Variants in INSC observed in about 807,000 individuals in gnomAD.
The protein encoded by INSC is protein inscuteable homolog.
INSC carries 67 observed loss-of-function variants against 58.6 expected under a neutral mutation model. The ratio of observed to expected loss-of-function variants is 1.14; its 90% CI spans 0.94 to 1.40. The LOEUF (loss-of-function observed/expected upper bound fraction) is 1.40, where lower values mean the gene tolerates loss of function less well. Ranked by LOEUF, INSC falls within the 40% of genes most tolerant of loss-of-function variation. The pLI is 0.00. For missense variants in INSC, 714 were observed against 692.0 expected (o/e 1.03, Z -0.36); for synonymous variants, 262 against 276.1 (o/e 0.95, Z 0.51).
At chr11:15,169,887 G>C (rs1849335453) in intron 2 of INSC, among the ~76,000 whole-genome samples, 1 of 152,114 alleles carries the variant, frequency 6.6e-6, no homozygotes, top group Admixed American at 6.5e-5. Context: ...TCACAACTAA[G>C]GGACCAGCAT....
At chr11:15,170,114 T>C (rs1414090287) in intron 2 of INSC, among the ~76,000 whole-genome samples, 6 of 152,248 alleles carry the variant, frequency 3.9e-5, no homozygotes, top group African/African-American at 1.4e-4. Flanking sequence ...GTAAATACTA[T>C]GTAAATAGTT....
intron 12 of INSC, among the ~76,000 whole-genome samples, chr11:15,244,759 T>C (rs914159753): frequency 1.3e-5 from 2 of 152,180 alleles, no homozygotes; most frequent in African/African-American, 4.8e-5. Context: ...CCTCCTTCTT[T>C]GCTTCTTTTG....
chr11:15,269,490 T>G, the INSC span, among the ~76,000 whole-genome samples: 2 of 151,992 alleles, frequency 1.3e-5, no homozygotes, highest in Admixed American at 1.3e-4. Flanking sequence ...GTGGTACTTT[T>G]TTTTATCCAT....
At chr11:15,200,761 T>G in intron 6 of INSC, 63 bp from the exon 7 acceptor site, 1 of 1,604,954 alleles carries the variant, frequency 6.2e-7, no homozygotes, top group Non-Finnish European at 8.5e-7. Flanking sequence ...TGTCACTTAT[T>G]CTTGAGTTAG....
At chr11:15,244,556 G>A (rs1852487310) in intron 12 of INSC, among the ~76,000 whole-genome samples, 1 of 152,070 alleles carries the variant, frequency 6.6e-6, no homozygotes, top group Non-Finnish European at 1.5e-5. Flanking sequence ...TGTATCCTGG[G>A]GTTGCAGCAT....
At chr11:15,236,365 T>TA (rs112956879) in intron 10 of INSC, among the ~76,000 whole-genome samples, 1 of 151,898 alleles carries the variant, frequency 6.6e-6, no homozygotes, top group East Asian at 1.9e-4. Context: ...GATCCTCAAA[T>TA]AAAAAAAATC....
the INSC span, among the ~76,000 whole-genome samples, chr11:15,255,951 T>G: frequency 2.6e-5 from 4 of 152,334 alleles, no homozygotes; most frequent in Non-Finnish European, 1.5e-5. Context: ...CATTCTCTTG[T>G]AAACTCCACG....
At chr11:15,235,084 G>T (rs1018303802) in intron 9 of INSC, 20 of 180,652 alleles carry the variant, frequency 1.1e-4, no homozygotes, top group Non-Finnish European at 2.3e-4. Flanking sequence ...GCTTGATAAC[G>T]CTGCCTCTTC....
downstream of INSC, among the ~76,000 whole-genome samples, chr11:15,249,420 G>A (rs1419156228): frequency 6.6e-6 from 1 of 152,130 alleles, no homozygotes; most frequent in Non-Finnish European, 1.5e-5. Flanking sequence ...TCCCTCCTTG[G>A]AGCCTTGCTT....
chr11:15,218,862 C>T (rs1045710322), intron 7 of INSC, among the ~76,000 whole-genome samples: 4 of 152,212 alleles, frequency 2.6e-5, no homozygotes, highest in African/African-American at 7.2e-5. Context: ...CCTCCATCTA[C>T]GACGCCATTC....
At position 15,238,939 on chromosome 11, in the gene INSC, A is replaced by C; in HGVS notation, c.1258A>C (p.Met420Leu). The C allele has an allele frequency of 1.2e-6, 2 of 1,614,170 alleles. No individual in the cohort carries two copies. Among genetic ancestry groups the C allele is most frequent in the Non-Finnish European group, 1.7e-6 (2 of 1,179,990 alleles). The change falls in exon 11 of 13, where the codon ATG (methionine) becomes CTG (leucine). Residue 420 changes from methionine (M) to leucine (L), a missense_variant. Coordinates refer to ENST00000379556, the MANE Select transcript of INSC (RefSeq NM_001042536.3). Reference sequence around the variant, plus strand: ...CCTAGGGGTCCAGCTTATCATGGGCATGCTGTCTGAAAAACCAAGGTCTGG... The same window carrying C: ...CCTAGGGGTCCAGCTTATCATGGGCCTGCTGTCTGAAAAACCAAGGTCTGG... Reference protein sequence around the residue: ...QENGVQLIMGMLSEKPRSGTP... With the variant: ...QENGVQLIMGLLSEKPRSGTP...
chr11:15,242,880 G>C (rs571283244), intron 12 of INSC, among the ~76,000 whole-genome samples: 2 of 152,200 alleles, frequency 1.3e-5, no homozygotes, highest in South Asian at 4.2e-4. Flanking sequence ...TTGGAATTCA[G>C]ACATAGGCCT....
At chr11:15,230,012 TAATATATATATATATATATATATATATAA>T (rs1851855341) in intron 9 of INSC, among the ~76,000 whole-genome samples, 1 of 25,864 alleles carries the variant, frequency 3.9e-5, no homozygotes, top group Non-Finnish European at 6.5e-5. Flanking sequence ...TATATATATA[TAATATATATATATATATATATATATATAA>T]AAGCCAGGCA....
chr11:15,158,410 T>C (rs1176190621), intron 2 of INSC, among the ~76,000 whole-genome samples: 3 of 152,076 alleles, frequency 2.0e-5, no homozygotes, highest in Non-Finnish European at 4.4e-5. Flanking sequence ...TTTGACCATA[T>C]GCCTCTGGGC....
chr11:15,167,263 G>A (rs1048552535), intron 2 of INSC, among the ~76,000 whole-genome samples: 4 of 152,024 alleles, frequency 2.6e-5, no homozygotes, highest in South Asian at 2.1e-4. Context: ...CAGAGCCTCC[G>A]AATGTCTTCC....
intron 11 of INSC, among the ~76,000 whole-genome samples, chr11:15,239,641 A>C (rs2133977491): frequency 6.6e-6 from 1 of 152,334 alleles, no homozygotes; most frequent in East Asian, 1.9e-4. Flanking sequence ...CCAGGGGCTC[A>C]CAGCCTCATG....
chr11:15,224,615 T>C (rs1276412335), intron 8 of INSC, among the ~76,000 whole-genome samples: 1 of 152,116 alleles, frequency 6.6e-6, no homozygotes, highest in Non-Finnish European at 1.5e-5. Context: ...AGAAGTACCT[T>C]GATTGGTAGT....
chr11:15,260,927 T>C, the INSC span, among the ~76,000 whole-genome samples: 1 of 152,178 alleles, frequency 6.6e-6, no homozygotes, highest in African/African-American at 2.4e-5. Flanking sequence ...AGATATTGGG[T>C]GCCTGTGGCA....
At chr11:15,257,784 G>A in the INSC span, among the ~76,000 whole-genome samples, 2 of 152,128 alleles carry the variant, frequency 1.3e-5, no homozygotes, top group Admixed American at 6.6e-5. Flanking sequence ...GCTAGAGAGA[G>A]GCCTGGAGCC....
Sources: gnomAD v4.1 joint callset for allele counts (sites outside exome capture counted in the v4.1 genomes callset) on GRCh38, gnomAD v4.1.1 for gene constraint, MANE v1.5 for transcripts, NCBI Gene and HGNC (gene_info 2026-07-23, HGNC 2026-07-21) for gene names.